Variants in JAK2 observed in about 807,000 individuals in gnomAD.
JAK2 encodes the protein Janus kinase 2.
A neutral mutation model predicts 139.3 loss-of-function variants in JAK2; 86 were observed. The ratio of observed to expected loss-of-function variants is 0.62; its 90% CI spans 0.52 to 0.74. The LOEUF (loss-of-function observed/expected upper bound fraction) is 0.74. Ranked by LOEUF, JAK2 falls within the 30% of genes least tolerant of loss-of-function variation. The pLI is 0.00. For missense variants in JAK2, 1,421 were observed against 1,360.3 expected, an observed-to-expected ratio of 1.04 and a Z score of -0.70; for synonymous variants, 490 against 437.7, an observed-to-expected ratio of 1.12 and a Z score of -1.49.
intron 5 of JAK2, among the ~76,000 whole-genome samples, chr9:5,045,795 C>T (rs1216070760): frequency 2.0e-5 from 3 of 152,148 alleles, no homozygotes; most frequent in Non-Finnish European, 4.4e-5. Flanking sequence ...ATGTATACTG[C>T]ATTTTATTTG....
chr9:5,114,510 G>C (rs1822964704), intron 22 of JAK2: 2 of 467,538 alleles, frequency 4.3e-6, no homozygotes, highest in Non-Finnish European at 8.4e-6. Context: ...CTACGTGTTT[G>C]CAACGCTAGA....
intron 6 of JAK2, among the ~76,000 whole-genome samples, chr9:5,053,907 C>G (rs953032726): frequency 6.6e-6 from 1 of 151,860 alleles, no homozygotes; most frequent in Non-Finnish European, 1.5e-5. Flanking sequence ...TATATTACGG[C>G]ATGGAAAATT....
At chr9:5,095,049 A>G (rs1188843149) in intron 22 of JAK2, 1 of 151,990 alleles carries the variant, frequency 6.6e-6, no homozygotes, top group African/African-American at 2.4e-5. Context: ...AATTACTTTG[A>G]TAGAGTAAAC....
chr9:5,086,192 C>T (rs1820096751), intron 19 of JAK2: 1 of 529,174 alleles, frequency 1.9e-6, no homozygotes, highest in South Asian at 5.2e-5. Context: ...GCAACAGCCG[C>T]GCCGCCCCCG....
At chr9:5,082,722 G>C (rs1819794476) in intron 19 of JAK2, among the ~76,000 whole-genome samples, 1 of 152,250 alleles carries the variant, frequency 6.6e-6, no homozygotes, top group African/African-American at 2.4e-5. Flanking sequence ...AGTGCATTGT[G>C]TCCCTGGTTT....
intron 2 of JAK2, among the ~76,000 whole-genome samples, chr9:5,014,829 C>T (rs957194657): frequency 6.6e-6 from 1 of 152,084 alleles, no homozygotes; most frequent in African/African-American, 2.4e-5. Flanking sequence ...CAATTTGCAC[C>T]TACATATGTG....
intron 2 of JAK2, among the ~76,000 whole-genome samples, chr9:4,991,925 C>T (rs1286180697): frequency 6.6e-6 from 1 of 152,126 alleles, no homozygotes; most frequent in African/African-American, 2.4e-5. Flanking sequence ...GGATTATTTC[C>T]ATCAGCATTA....
In JAK2 at chr9:5,090,555, A is replaced by G; in HGVS notation, c.2871A>G (p.Thr957=). The G allele has an allele frequency of 1.3e-6, 2 of 1,581,428 alleles. No homozygotes were observed. The highest frequency in any genetic ancestry group is 1.7e-6 in the Non-Finnish European group (2 of 1,164,966). The change falls in exon 21 of 25, where the codon ACA becomes ACG. Residue 957 remains threonine, a synonymous_variant. Coordinates refer to ENST00000381652, the MANE Select transcript of JAK2 (RefSeq NM_004972.4). ...RIDHIKLLQY[T]SQICKGMEYL... ...ATCACATAAAACTTCTGCAGTACAC[A>G]TCTCAGATATGCAAGGTAACTAATA...
At chr9:5,111,673 T>C in intron 22 of JAK2, 1 of 417,446 alleles carries the variant, frequency 2.4e-6, no homozygotes, top group Non-Finnish European at 4.7e-6. Flanking sequence ...GCAGCGGCCC[T>C]GTGGGCAGTG....
In JAK2 at chr9:5,127,027, A is replaced by T. The variant is rs1318307227; in HGVS notation, c.*236A>T. ...GCAAGGATTTTGTAAGAAGTTTCTTAAACATTGTCAGTTAACATCACTCTT... is the reference window on the plus strand; with the variant it reads ...GCAAGGATTTTGTAAGAAGTTTCTTTAACATTGTCAGTTAACATCACTCTT... On this transcript the variant is annotated 3_prime_UTR_variant, in exon 25 of 25. Transcript: ENST00000381652. The T allele has an allele frequency of 3.3e-6, 1 of 303,232 alleles. No homozygotes were observed. Among genetic ancestry groups the T allele is most frequent in the East Asian group, 5.1e-5 (1 of 19,486 alleles). 18.8% of individuals were successfully genotyped at this position (303,232 alleles called of 1,614,324 possible).
At chr9:5,011,994 C>T (rs1821734270) in intron 2 of JAK2, among the ~76,000 whole-genome samples, 1 of 152,184 alleles carries the variant, frequency 6.6e-6, no homozygotes, top group African/African-American at 2.4e-5. Context: ...GAAATCTCTT[C>T]CCAGTTCTTT....
chr9:5,060,115 G>A (rs1198890648), intron 8 of JAK2, among the ~76,000 whole-genome samples: 1 of 152,144 alleles, frequency 6.6e-6, no homozygotes, highest in Non-Finnish European at 1.5e-5. Flanking sequence ...GTGTGCAACA[G>A]CATTATGTCT....
At chr9:4,987,819 AAGTG>A (rs1212788943) in intron 2 of JAK2, among the ~76,000 whole-genome samples, 1 of 152,084 alleles carries the variant, frequency 6.6e-6, no homozygotes, top group African/African-American at 2.4e-5. Context: ...TTGTTGTGAG[AAGTG>A]AGTAAGACAC....
chr9:5,088,031 CTT>C (rs1409379770), intron 19 of JAK2, among the ~76,000 whole-genome samples: 1 of 152,146 alleles, frequency 6.6e-6, no homozygotes, highest in Non-Finnish European at 1.5e-5. Context: ...GAAGATAAAA[CTT>C]ATTTCCTACT....
At chr9:4,989,255 C>G (rs959221933) in intron 2 of JAK2, among the ~76,000 whole-genome samples, 4 of 152,132 alleles carry the variant, frequency 2.6e-5, no homozygotes, top group African/African-American at 9.7e-5. Context: ...AGCTATGCTT[C>G]TTCTATCCTT....
Position 5,021,575 on chromosome 9 carries a change from T to G in JAK2, c.-25-388T>G, listed in dbSNP as rs562190320. On this transcript the variant is annotated intron_variant, in intron 2 of 24. Coordinates refer to ENST00000381652, the MANE Select transcript of JAK2 (RefSeq NM_004972.4). The stretch of plus-strand genomic sequence containing the variant: ...CATTGCTGTCAAGGAGCAGTCCTTC[T>G]TTGTGTATGAAGGGTGCCTTATCAA... Among the ~76,000 whole-genome samples, 26 of 152,358 alleles carry G rather than the reference T, an allele frequency of 1.7e-4. No individual in the cohort carries two copies. The South Asian group carries it at 4.4e-3, about 25-fold the overall frequency.
chr9:5,076,179 G>C (rs1212525611), intron 14 of JAK2, among the ~76,000 whole-genome samples: 3 of 152,162 alleles, frequency 2.0e-5, no homozygotes, highest in South Asian at 4.1e-4. Context: ...ATGATGCTGT[G>C]AACATTGTGA....
At chr9:5,050,863 G>C (rs766273126) in intron 6 of JAK2, 32 bp downstream of exon 6, 2 of 1,558,038 alleles carry the variant, frequency 1.3e-6, no homozygotes, top group Admixed American at 3.5e-5. Context: ...TTACACATAA[G>C]TGTGAGTAGA....
chr9:5,090,690 A>T lies in JAK2; in HGVS notation c.2887-49A>T, dbSNP rs779085738. The T allele has an allele frequency of 1.9e-6, 3 of 1,544,738 alleles. No homozygotes were observed. The East Asian group carries it at 6.8e-5, about 35-fold the overall frequency. On this transcript the variant is annotated intron_variant, in intron 21 of 24. Coordinates refer to ENST00000381652, the MANE Select transcript of JAK2 (RefSeq NM_004972.4). ...AATATATAGGGTTAAGACCATTTAA[A>T]TTGTTTATATTTATAAAACTAGCTG... is the stretch of plus-strand genomic sequence containing the variant.
Sources: gnomAD v4.1 joint callset for allele counts (sites outside exome capture counted in the v4.1 genomes callset) on GRCh38, gnomAD v4.1.1 for gene constraint, MANE v1.5 for transcripts, NCBI Gene and HGNC (gene_info 2026-07-23, HGNC 2026-07-21) for gene names.